The following ANXA2 variants were observed in gnomAD, a reference collection of about 807,000 sequenced individuals.
ANXA2 encodes the protein annexin A2.
A neutral mutation model predicts 47.3 loss-of-function variants in ANXA2; 28 were observed. That is an observed-to-expected ratio of 0.59 (90% CI 0.44 to 0.81). The LOEUF (loss-of-function observed/expected upper bound fraction) is 0.81. Among genes scored for constraint, ANXA2 ranks in the 40% least tolerant of loss-of-function variants. The pLI, the probability that ANXA2 is intolerant of heterozygous loss-of-function variation, is 0.00. For synonymous variants in ANXA2, 172 were observed against 155.5 expected, an observed-to-expected ratio of 1.11 and a Z score of -0.79; for missense variants, 384 against 414.3, an observed-to-expected ratio of 0.93 and a Z score of 0.64.
intron 3 of ANXA2, 43 bp downstream of exon 3, chr15:60,382,295 ATGTC>A (rs757192995): frequency 2.8e-6 from 4 of 1,452,552 alleles, no homozygotes; most frequent in Non-Finnish European, 3.9e-6. Context: ...ACAACCAAAA[ATGTC>A]TCAGTAAGAC....
chr15:60,376,513 G>A (rs1401752600), intron 3 of ANXA2, among the ~76,000 whole-genome samples: 8 of 152,228 alleles, frequency 5.3e-5, no homozygotes, highest in Middle Eastern at 3.4e-3. Context: ...AGGTATTTTT[G>A]GTTTTGTCTG....
chr15:60,383,720 AC>A (rs1000387311), intron 2 of ANXA2: 1 of 148,292 alleles, frequency 6.7e-6, no homozygotes. Flanking sequence ...ACCCACCCCA[AC>A]CCCCCCAGCA....
intron 5 of ANXA2, among the ~76,000 whole-genome samples, chr15:60,357,579 G>A (rs903206107): frequency 1.3e-5 from 2 of 152,090 alleles, no homozygotes; most frequent in African/African-American, 2.4e-5. Context: ...AGATCACGAG[G>A]TCAAGAGATC....
chr15:60,392,419 A>C (rs2063025022), intron 1 of ANXA2, among the ~76,000 whole-genome samples: 1 of 145,758 alleles, frequency 6.9e-6, no homozygotes, highest in African/African-American at 2.5e-5. Context: ...AAAAAAAAAA[A>C]CTCTATAGAT....
At chr15:60,368,508 A>G (rs116602580) in intron 3 of ANXA2, among the ~76,000 whole-genome samples, 1,568 of 152,034 alleles carry the variant, frequency 0.01, 20 homozygotes, top group African/African-American at 0.034. Context: ...ATTTAAAATG[A>G]TGGCATGGAA....
chr15:60,377,608 A>G (rs1214789264), intron 3 of ANXA2, among the ~76,000 whole-genome samples: 1 of 152,212 alleles, frequency 6.6e-6, no homozygotes. Flanking sequence ...TAAAAAACAC[A>G]TAACTAAATT....
chr15:60,397,956 C>T lies in ANXA2; in HGVS notation c.-25G>A. On this transcript the variant is annotated 5_prime_UTR_variant, in exon 1 of 13. Transcript: ENST00000451270. ...CGCCCCGCTTACCTGGGCCGTGCGC[C>T]GAGAGCTGAGAGCGTCCCCAAATGC... 7.8e-7 allele frequency: 1 copy of T among 1,278,468 alleles called. No homozygotes were observed. 79.2% of individuals were successfully genotyped at this position (1,278,468 alleles called of 1,614,324 possible). A position where few individuals can be genotyped will look rare whatever the true frequency, so the allele number is the denominator to read the frequency against.
In ANXA2 at chr15:60,380,930, T is replaced by TCC. The variant is rs537710429; in HGVS notation, c.148+1410_148+1411dup. Among the ~76,000 whole-genome samples the TCC allele has an allele frequency of 1.3e-3, 197 of 151,962 alleles. 2 individuals carry two copies. The highest frequency in any genetic ancestry group is 4.5e-3 in the African/African-American group (186 of 41,426). ...CACAGCAACTGCAGAACATAAGGCTTCCCCAAGGCAGATGATGCAAATAAA... is the reference window on the plus strand; with the variant it reads ...CACAGCAACTGCAGAACATAAGGCTTCCCCCCAAGGCAGATGATGCAAATAAA... On this transcript the variant is annotated intron_variant, in intron 3 of 12. Coordinates refer to ENST00000451270, the MANE Select transcript of ANXA2 (RefSeq NM_004039.3).
At chr15:60,385,270 A>T (rs951386069) in intron 2 of ANXA2, among the ~76,000 whole-genome samples, 1 of 152,204 alleles carries the variant, frequency 6.6e-6, no homozygotes, top group Non-Finnish European at 1.5e-5. Flanking sequence ...GAAATTTTTT[A>T]AAGTATAGGT....
intron 3 of ANXA2, among the ~76,000 whole-genome samples, chr15:60,370,611 C>G (rs576945213): frequency 6.6e-6 from 1 of 152,190 alleles, no homozygotes; most frequent in Non-Finnish European, 1.5e-5. Flanking sequence ...CAGGATGCAA[C>G]TGAAGGACTC....
Position 60,347,677 on chromosome 15 carries a change from C to G in ANXA2, c.973G>C (p.Gly325Arg). ...LYYYIQQDTKGDYQKALLYLC... is the reference protein window; with the variant it reads ...LYYYIQQDTKRDYQKALLYLC... ...TACAGCAGCGCTTTCTGGTAGTCGC[C>G]CTTAGTGTCTTGCTACAATGGCCCA... The change falls in exon 13 of 13, where the codon GGC becomes CGC. Residue 325 changes from glycine (G) to arginine (R), a missense_variant. Transcript: ENST00000451270. 6.2e-7 allele frequency: 1 copy of G among 1,614,104 alleles called. No individual in the cohort carries two copies. Among genetic ancestry groups the G allele is most frequent in the Non-Finnish European group, 8.5e-7 (1 of 1,180,018 alleles).
At chr15:60,365,895 C>A (rs1288663621) in intron 3 of ANXA2, among the ~76,000 whole-genome samples, 1 of 136,480 alleles carries the variant, frequency 7.3e-6, no homozygotes, top group African/African-American at 2.8e-5. Flanking sequence ...CCCTCTGATG[C>A]CGAGCCAAAG....
At chr15:60,382,286 C>T in intron 3 of ANXA2, 56 bp downstream of exon 3, 1 of 1,394,246 alleles carries the variant, frequency 7.2e-7, no homozygotes, top group African/African-American at 1.4e-5. Context: ...AATAAAGAGA[C>T]AACCAAAAAT....
At chr15:60,364,389 T>C in intron 4 of ANXA2, 40 bp downstream of exon 4, 1 of 1,547,572 alleles carries the variant, frequency 6.5e-7, no homozygotes, top group South Asian at 1.1e-5. Context: ...GAAACAAAAA[T>C]TCAACAAGAA....
At chr15:60,367,230 C>A in intron 3 of ANXA2, among the ~76,000 whole-genome samples, 1 of 115,692 alleles carries the variant, frequency 8.6e-6, no homozygotes, top group Non-Finnish European at 1.9e-5. Flanking sequence ...GGGGGTCAGC[C>A]CCCCGCCCGG....
At chr15:60,397,082 C>G (rs921072899) in intron 1 of ANXA2, among the ~76,000 whole-genome samples, 1 of 152,218 alleles carries the variant, frequency 6.6e-6, no homozygotes, top group Non-Finnish European at 1.5e-5. Context: ...TTCTTCTCAA[C>G]AGCCGGCTGA....
At position 60,356,002 on chromosome 15, in the gene ANXA2, G is replaced by A. The variant is rs371214335; in HGVS notation, c.449-4C>T. On this transcript the variant is annotated splice_polypyrimidine_tract_variant and splice_region_variant and intron_variant, in intron 6 of 12. Transcript: ENST00000451270. ...TTCTCCAGATCAGTCTTGTACACTT[G>A]GAGGAAAATACATCTGGTTTTATGC... is the stretch of plus-strand genomic sequence containing the variant. 2.5e-6 allele frequency: 4 copies of A among 1,611,282 alleles called. No individual in the cohort carries two copies. The highest frequency in any genetic ancestry group is 2.5e-6 in the Non-Finnish European group (3 of 1,177,690).
chr15:60,351,631 C>A (rs1170796388), intron 10 of ANXA2, 93 bp downstream of exon 10: 6 of 824,526 alleles, frequency 7.3e-6, no homozygotes, highest in African/African-American at 3.4e-5. Flanking sequence ...AGAAGCCACA[C>A]CTCCCAAACA....
At chr15:60,364,664 C>G in intron 3 of ANXA2, 141 bp from the exon 4 acceptor site, 1 of 605,108 alleles carries the variant, frequency 1.7e-6, no homozygotes, top group Admixed American at 3.6e-5. Flanking sequence ...AAGATTTGTT[C>G]TATCTCTTTC....
Sources: gnomAD v4.1 joint callset for allele counts (sites outside exome capture counted in the v4.1 genomes callset) on GRCh38, gnomAD v4.1.1 for gene constraint, MANE v1.5 for transcripts, NCBI Gene and HGNC (gene_info 2026-07-23, HGNC 2026-07-21) for gene names.